The following CDK5RAP2 variants were observed in gnomAD, a reference collection of about 807,000 sequenced individuals.
The protein encoded by CDK5RAP2 is CDK5 regulatory subunit-associated protein 2.
A neutral mutation model predicts 232.9 loss-of-function variants in CDK5RAP2; 147 were observed. That is an observed-to-expected ratio of 0.63 (90% confidence interval 0.55 to 0.72). The LOEUF (loss-of-function observed/expected upper bound fraction) is 0.72. CDK5RAP2 is among the 30% of genes least tolerant of loss of function. The probability of loss-of-function intolerance (pLI) is 0.00; values close to 1 mark genes in which losing one functional copy is unlikely to be tolerated. For missense variants in CDK5RAP2, 2,195 were observed against 2,231.5 expected, an observed-to-expected ratio of 0.98 and a Z score of 0.33; for synonymous variants, 833 against 833.7, an observed-to-expected ratio of 1.00 and a Z score of 0.01.
chr9:120,512,401 T>C (rs1284724012), intron 12 of CDK5RAP2, among the ~76,000 whole-genome samples: 1 of 152,214 alleles, frequency 6.6e-6, no homozygotes, highest in African/African-American at 2.4e-5. Context: ...GCTAGTCACT[T>C]TTATTTTTCC....
intron 15 of CDK5RAP2, among the ~76,000 whole-genome samples, chr9:120,475,787 G>A (rs2131554896): frequency 6.6e-6 from 1 of 152,314 alleles, no homozygotes; most frequent in South Asian, 2.1e-4. Context: ...GCAGGGAGGG[G>A]CATTCCTGCA....
intron 25 of CDK5RAP2, among the ~76,000 whole-genome samples, chr9:120,434,360 A>G (rs1034101575): frequency 2.0e-5 from 3 of 152,172 alleles, no homozygotes; most frequent in Non-Finnish European, 2.9e-5. Context: ...GGCAGAAGTA[A>G]GGAGAGAGTG....
intron 11 of CDK5RAP2, among the ~76,000 whole-genome samples, chr9:120,523,777 G>A (rs2040776041): frequency 6.6e-6 from 1 of 152,206 alleles, no homozygotes; most frequent in African/African-American, 2.4e-5. Flanking sequence ...AAGTTATTTA[G>A]TGATAGGTAT....
chr9:120,553,905 G>A (rs2042133563), intron 3 of CDK5RAP2, among the ~76,000 whole-genome samples: 2 of 152,180 alleles, frequency 1.3e-5, no homozygotes, highest in South Asian at 2.1e-4. Flanking sequence ...GGGATTATAG[G>A]TGCAAGCCAT....
chr9:120,399,230 T>C (rs2032780067), intron 35 of CDK5RAP2, among the ~76,000 whole-genome samples: 1 of 152,220 alleles, frequency 6.6e-6, no homozygotes, highest in Admixed American at 6.5e-5. Context: ...TATATGTAAG[T>C]GTATGAGCTG....
chr9:120,445,805 T>C (rs2036155363), intron 22 of CDK5RAP2, among the ~76,000 whole-genome samples: 1 of 152,198 alleles, frequency 6.6e-6, no homozygotes, highest in Non-Finnish European at 1.5e-5. Flanking sequence ...ATATTGCTAT[T>C]TCCTAACTTT....
At position 120,437,334 on chromosome 9, in the gene CDK5RAP2, C is replaced by G. The variant is rs1192714917; in HGVS notation, c.3916G>C (p.Ala1306Pro). ...TTTTCCAATTTCTCCAGCAGCTCAG[C>G]ACATTGATTCAGCTGTTCCTGGAAA... ...EGFQEQLNQCAELLEKLEKLF... is the reference protein window; with the variant it reads ...EGFQEQLNQCPELLEKLEKLF... Residue 1306 changes from alanine to proline, a missense_variant, in exon 25 of 38, where the codon GCT becomes CCT. By Grantham distance (27) the Ala-to-Pro change is conservative (BLOSUM62 -1). Coordinates refer to ENST00000349780, the MANE Select transcript of CDK5RAP2 (RefSeq NM_018249.6). The G allele has an allele frequency of 1.2e-6, 2 of 1,613,962 alleles. No individual in the cohort carries two copies. The highest frequency in any genetic ancestry group is 1.7e-6 in the Non-Finnish European group (2 of 1,179,978).
At chr9:120,517,937 G>A in intron 12 of CDK5RAP2, 1 of 262,140 alleles carries the variant, frequency 3.8e-6, no homozygotes, top group Non-Finnish European at 7.8e-6. Context: ...TTATGTACAA[G>A]GATGTTTGCT....
intron 29 of CDK5RAP2, among the ~76,000 whole-genome samples, chr9:120,410,922 G>A (rs186619199): frequency 3.2e-3 from 485 of 152,324 alleles, no homozygotes; most frequent in Admixed American, 6.3e-3. Flanking sequence ...TAAGACAAGC[G>A]ATCTTTATAA....
At chr9:120,443,532 T>C in intron 23 of CDK5RAP2, 88 bp downstream of exon 23, 4 of 1,422,184 alleles carry the variant, frequency 2.8e-6, no homozygotes, top group Admixed American at 1.7e-5. Context: ...AGGGCTGCTA[T>C]GGGCTTAGTA....
intron 28 of CDK5RAP2, among the ~76,000 whole-genome samples, chr9:120,413,823 A>AGAGG (rs2034018625): frequency 9.2e-6 from 1 of 108,718 alleles, no homozygotes; most frequent in South Asian, 3.3e-4. Flanking sequence ...GGGAGGAGGG[A>AGAGG]GGAGGGAGGA....
At position 120,411,342 on chromosome 9, in the gene CDK5RAP2, C is replaced by T; in HGVS notation, c.4414+16G>A. 2.1e-6 allele frequency: 3 copies of T among 1,449,238 alleles called. No homozygotes were observed. Among genetic ancestry groups the T allele is most frequent in the Admixed American group, 1.7e-5 (1 of 59,816 alleles). The allele number at this position is 1,449,238 out of a possible 1,614,324, so 89.8% of individuals were successfully genotyped here. ...CTTTGGCGTTCCAGACTTCCAGTGA[C>T]TCCTTTAACTCTTACCTCTGGATCC... On this transcript the variant is annotated intron_variant, in intron 29 of 37. Coordinates refer to ENST00000349780, the MANE Select transcript of CDK5RAP2 (RefSeq NM_018249.6).
Position 120,397,974 on chromosome 9 carries a change from C to T in CDK5RAP2, c.5451+2768G>A, listed in dbSNP as rs541288866. On this transcript the variant is annotated intron_variant, in intron 35 of 37. Coordinates refer to ENST00000349780, the MANE Select transcript of CDK5RAP2 (RefSeq NM_018249.6). ...ATAGGGTTCTCTCCCTCTTTCCCCA[C>T]GCTGGATCCTTTCTTACTAGGATGA... Among the ~76,000 whole-genome samples, 5 of 152,312 alleles carry T rather than the reference C, an allele frequency of 3.3e-5. No individual in the cohort carries two copies. In the South Asian group the frequency reaches 8.3e-4, roughly 25 times the overall value.
intron 36 of CDK5RAP2, among the ~76,000 whole-genome samples, chr9:120,392,621 C>A (rs1769749844): frequency 6.6e-6 from 1 of 152,222 alleles, no homozygotes; most frequent in African/African-American, 2.4e-5. Flanking sequence ...CCCCACCCCA[C>A]TGCTGCTCCA....
chr9:120,445,628 G>A (rs1450523136), intron 22 of CDK5RAP2, among the ~76,000 whole-genome samples: 1 of 152,094 alleles, frequency 6.6e-6, no homozygotes. Context: ...ATCTGACACT[G>A]CTAATCCCCT....
chr9:120,526,408 C>T (rs1428688717), intron 10 of CDK5RAP2, among the ~76,000 whole-genome samples: 9 of 152,212 alleles, frequency 5.9e-5, no homozygotes, highest in Admixed American at 5.2e-4. Context: ...AAGCCAGACA[C>T]CTAGAAGTCT....
At chr9:120,491,849 A>G (rs1168103336) in intron 12 of CDK5RAP2, among the ~76,000 whole-genome samples, 1 of 152,328 alleles carries the variant, frequency 6.6e-6, no homozygotes, top group African/African-American at 2.4e-5. Flanking sequence ...TAAGATGCTC[A>G]TTATTTTCTA....
intron 12 of CDK5RAP2, among the ~76,000 whole-genome samples, chr9:120,496,752 C>A (rs1175181406): frequency 1.5e-5 from 2 of 130,126 alleles, no homozygotes; most frequent in East Asian, 2.6e-4. Flanking sequence ...GTCAGCCCCC[C>A]GCCCGGCCAG....
At chr9:120,443,851 G>A (rs896111936) in intron 22 of CDK5RAP2, 109 bp from the exon 23 acceptor site, 6 of 1,439,046 alleles carry the variant, frequency 4.2e-6, no homozygotes, top group Non-Finnish European at 5.7e-6. Flanking sequence ...TAAAAACACT[G>A]GGGAGGCAAA....
Sources: gnomAD v4.1 joint callset for allele counts (sites outside exome capture counted in the v4.1 genomes callset) on GRCh38, gnomAD v4.1.1 for gene constraint, MANE v1.5 for transcripts, NCBI Gene and HGNC (gene_info 2026-07-23, HGNC 2026-07-21) for gene names.